EYA4: variants seen among roughly 807,000 people sequenced by gnomAD.
EYA4 encodes EYA transcriptional coactivator and phosphatase 4.
In EYA4, 31 loss-of-function variants were observed where a neutral mutation model predicts 87.9. The ratio of observed to expected loss-of-function variants is 0.35; its 90% CI spans 0.27 to 0.48. The LOEUF (loss-of-function observed/expected upper bound fraction) is 0.48, where lower values mean the gene tolerates loss of function less well. EYA4 is among the 20% of genes least tolerant of loss of function. The probability of loss-of-function intolerance (pLI) is 0.99; values close to 1 mark genes in which losing one functional copy is unlikely to be tolerated. For missense variants in EYA4, 678 were observed against 761.4 expected (o/e 0.89, Z 1.29); for synonymous variants, 263 against 270.6 (o/e 0.97, Z 0.28).
chr6:133,370,903 A>G (rs752857793), intron 2 of EYA4, among the ~76,000 whole-genome samples: 5 of 152,168 alleles, frequency 3.3e-5, no homozygotes, highest in African/African-American at 1.2e-4. Context: ...TTAACTTTTT[A>G]AAGAATCCTG....
In EYA4 at chr6:133,318,901, G is replaced by C. The variant is rs866021750; in HGVS notation, c.33+44088G>C. 4.2e-4 allele frequency among the ~76,000 whole-genome samples: 64 copies of C among 152,256 alleles called. 1 individual carries two copies. Among genetic ancestry groups the C allele is most frequent in the Middle Eastern group, 3.4e-3 (1 of 294 alleles). Reference sequence around the variant, plus strand: ...TTTTACGCACGCACTATATTAATGCGATGATCTGAGCATAAAGTACGATTT... The same window carrying C: ...TTTTACGCACGCACTATATTAATGCCATGATCTGAGCATAAAGTACGATTT... On this transcript the variant is annotated intron_variant, in intron 2 of 19. Coordinates refer to ENST00000355286, the MANE Select transcript of EYA4 (RefSeq NM_004100.5).
At chr6:133,505,609 TC>T (rs1384923169) in intron 13 of EYA4, among the ~76,000 whole-genome samples, 1 of 152,192 alleles carries the variant, frequency 6.6e-6, no homozygotes, top group Non-Finnish European at 1.5e-5. Flanking sequence ...TGCCAGCTCT[TC>T]CTGTTTCACC....
At chr6:133,416,105 G>T (rs1480208205) in intron 3 of EYA4, among the ~76,000 whole-genome samples, 1 of 152,176 alleles carries the variant, frequency 6.6e-6, no homozygotes, top group Non-Finnish European at 1.5e-5. Flanking sequence ...TGATACTCTG[G>T]GCAGTGAGAA....
At chr6:133,373,449 CATAA>C (rs1205374647) in intron 2 of EYA4, among the ~76,000 whole-genome samples, 8 of 151,978 alleles carry the variant, frequency 5.3e-5, no homozygotes, top group Admixed American at 3.3e-4. Flanking sequence ...TGTGAGAATT[CATAA>C]ATATTCATTT....
chr6:133,468,776 T>C, intron 11 of EYA4, 45 bp downstream of exon 11: 2 of 1,593,740 alleles, frequency 1.3e-6, no homozygotes. Context: ...TGTTTTGCAA[T>C]ATCTAATAAA....
intron 2 of EYA4, among the ~76,000 whole-genome samples, chr6:133,318,772 T>A (rs1239657915): frequency 6.6e-6 from 1 of 152,214 alleles, no homozygotes; most frequent in Non-Finnish European, 1.5e-5. Context: ...TTTTGCCTGG[T>A]ACTCTCATTT....
intron 1 of EYA4, among the ~76,000 whole-genome samples, chr6:133,257,125 G>T (rs767156679): frequency 1.1e-4 from 17 of 152,234 alleles, no homozygotes; most frequent in South Asian, 4.1e-4. Flanking sequence ...TTCCTCCCAA[G>T]AAATTTCATG....
intron 2 of EYA4, among the ~76,000 whole-genome samples, chr6:133,277,099 G>A (rs1286241416): frequency 2.6e-5 from 4 of 152,150 alleles, no homozygotes; most frequent in African/African-American, 9.7e-5. Context: ...TTAGATGAAA[G>A]TGAATTTACT....
intron 1 of EYA4, among the ~76,000 whole-genome samples, chr6:133,263,723 T>C (rs946578036): frequency 1.3e-5 from 2 of 152,218 alleles, no homozygotes; most frequent in African/African-American, 4.8e-5. Flanking sequence ...TACTTGCAGT[T>C]TGAAAATCTG....
At position 133,404,738 on chromosome 6, in the gene EYA4, T is replaced by C. The variant is rs148703619; in HGVS notation, c.83+22297T>C. On this transcript the variant is annotated intron_variant, in intron 3 of 19. Transcript: ENST00000355286. ...TCAGTTAATGTAAGTCTGTGTGTAATAAATACGACTTTCATTGAGTTTCGG... is the reference window on the plus strand; with the variant it reads ...TCAGTTAATGTAAGTCTGTGTGTAACAAATACGACTTTCATTGAGTTTCGG... Among the ~76,000 whole-genome samples the C allele has an allele frequency of 1.8e-3, 270 of 152,386 alleles. 1 individual carries two copies. The highest frequency in any genetic ancestry group is 6.3e-3 in the African/African-American group (264 of 41,602).
intron 2 of EYA4, among the ~76,000 whole-genome samples, chr6:133,304,713 C>T (rs1211924100): frequency 4.6e-5 from 7 of 152,166 alleles, no homozygotes. Context: ...CAGACACCTT[C>T]TCTGTTTTTC....
At chr6:133,490,855 A>G (rs2128727355) in intron 13 of EYA4, among the ~76,000 whole-genome samples, 1 of 152,314 alleles carries the variant, frequency 6.6e-6, no homozygotes, top group South Asian at 2.1e-4. Context: ...CTTAGACCAA[A>G]TGGACCTAAT....
chr6:133,470,147 G>A (rs1277546757), intron 11 of EYA4, among the ~76,000 whole-genome samples: 4 of 148,108 alleles, frequency 2.7e-5, no homozygotes, highest in African/African-American at 5.0e-5. Context: ...TTGGTGTTTT[G>A]GACATGAAGT....
At chr6:133,397,514 A>G (rs956445149) in intron 3 of EYA4, among the ~76,000 whole-genome samples, 3 of 152,158 alleles carry the variant, frequency 2.0e-5, no homozygotes, top group African/African-American at 7.2e-5. Context: ...AGAATTAGTG[A>G]TCTTTGAGGA....
intron 2 of EYA4, among the ~76,000 whole-genome samples, chr6:133,346,250 T>C (rs1783184456): frequency 6.6e-6 from 1 of 152,210 alleles, no homozygotes. Context: ...TCTAAATAAA[T>C]TTAATTTTGG....
In EYA4 at chr6:133,481,012, G is replaced by A. The variant is rs1160876660; in HGVS notation, c.971-451G>A. On this transcript the variant is annotated intron_variant, in intron 11 of 19. Coordinates refer to ENST00000355286, the MANE Select transcript of EYA4 (RefSeq NM_004100.5). The stretch of plus-strand genomic sequence containing the variant: ...GAAGGGAAGATGGGAGAGGTGGAAG[G>A]GAAGATGAGAGAGGTGGAAGGGAAG... 2.0e-5 allele frequency among the ~76,000 whole-genome samples: 3 copies of A among 148,824 alleles called. No homozygotes were observed. The East Asian group carries it at 6.0e-4, about 30-fold the overall frequency.
At chr6:133,427,989 G>A (rs1237727821) in intron 3 of EYA4, among the ~76,000 whole-genome samples, 1 of 152,192 alleles carries the variant, frequency 6.6e-6, no homozygotes, top group Non-Finnish European at 1.5e-5. Flanking sequence ...TGCTAGAAAT[G>A]CTGATTGTAC....
intron 13 of EYA4, among the ~76,000 whole-genome samples, chr6:133,503,510 T>C (rs528016028): frequency 2.0e-5 from 3 of 152,340 alleles, no homozygotes; most frequent in East Asian, 1.9e-4. Flanking sequence ...AACAGACTAG[T>C]GTGGAGCTCA....
intron 1 of EYA4, among the ~76,000 whole-genome samples, chr6:133,242,680 T>G (rs1276713088): frequency 6.6e-6 from 1 of 152,184 alleles, no homozygotes; most frequent in East Asian, 1.9e-4. Context: ...GTTTTCTCCC[T>G]TTGTTTGCGA....
Sources: gnomAD v4.1 joint callset for allele counts (sites outside exome capture counted in the v4.1 genomes callset) on GRCh38, gnomAD v4.1.1 for gene constraint, MANE v1.5 for transcripts, NCBI Gene and HGNC (gene_info 2026-07-23, HGNC 2026-07-21) for gene names.